The following NELL1 variants were observed in gnomAD, a reference collection of about 807,000 sequenced individuals.
NELL1 encodes the protein neural EGFL like 1, also known as protein kinase C-binding protein NELL1.
Under a neutral mutation model 107.4 loss-of-function variants are expected in NELL1, and 76 were observed. The ratio of observed to expected loss-of-function variants is 0.71; its 90% CI spans 0.59 to 0.86. The LOEUF is 0.86. NELL1 is among the 40% of genes least tolerant of loss of function. The probability of loss-of-function intolerance (pLI) is 0.00; values close to 1 mark genes in which losing one functional copy is unlikely to be tolerated. For synonymous variants in NELL1, 353 were observed against 341.2 expected (o/e 1.03, Z -0.38); for missense variants, 1,024 against 1,005.5 (o/e 1.02, Z -0.25).
chr11:21,289,338 A>C (rs1849198499), intron 14 of NELL1, among the ~76,000 whole-genome samples: 1 of 152,192 alleles, frequency 6.6e-6, no homozygotes, highest in Non-Finnish European at 1.5e-5. Context: ...GACTGATTAG[A>C]CAGTGGGTGC....
At chr11:20,778,498 C>CTTTTTTTTTTT (rs1161737750) in intron 2 of NELL1, among the ~76,000 whole-genome samples, 3 of 73,028 alleles carry the variant, frequency 4.1e-5, no homozygotes, top group Admixed American at 1.5e-4. Flanking sequence ...TCACCCAGCA[C>CTTTTTTTTTTT]TTTTTTTTTT....
chr11:20,704,331 G>C (rs1292776352), intron 2 of NELL1, among the ~76,000 whole-genome samples: 1 of 151,958 alleles, frequency 6.6e-6, no homozygotes, highest in East Asian at 1.9e-4. Context: ...TGCAACCCTT[G>C]CTTTTTTTTG....
chr11:21,247,899 C>T (rs1448696805), intron 14 of NELL1, among the ~76,000 whole-genome samples: 1 of 152,212 alleles, frequency 6.6e-6, no homozygotes, highest in Non-Finnish European at 1.5e-5. Flanking sequence ...TATAATTTTT[C>T]AGCTTCCTTA....
At chr11:21,209,202 G>A (rs1857448608) in intron 13 of NELL1, among the ~76,000 whole-genome samples, 2 of 151,906 alleles carry the variant, frequency 1.3e-5, no homozygotes, top group Admixed American at 6.6e-5. Context: ...TAAATAACAT[G>A]TCTTTCAGCC....
chr11:20,993,387 T>A (rs879547072), intron 12 of NELL1, among the ~76,000 whole-genome samples: 3 of 152,166 alleles, frequency 2.0e-5, no homozygotes, highest in Non-Finnish European at 4.4e-5. Flanking sequence ...AGAAATGGGC[T>A]GTGGTAAATT....
At chr11:21,191,300 A>G (rs1019032081) in intron 13 of NELL1, among the ~76,000 whole-genome samples, 2 of 151,848 alleles carry the variant, frequency 1.3e-5, no homozygotes, top group African/African-American at 4.9e-5. Context: ...CCACGCATAT[A>G]GCAGCATGAG....
chr11:21,376,030 G>A (rs1359035218), intron 15 of NELL1, among the ~76,000 whole-genome samples: 1 of 152,092 alleles, frequency 6.6e-6, no homozygotes, highest in Non-Finnish European at 1.5e-5. Flanking sequence ...TTATTTTGCT[G>A]TGAAGAAGCT....
intron 2 of NELL1, among the ~76,000 whole-genome samples, chr11:20,765,705 G>A (rs1195013870): frequency 1.3e-5 from 2 of 152,072 alleles, no homozygotes; most frequent in African/African-American, 2.4e-5. Flanking sequence ...CAAGAAGGAG[G>A]GAAGAGGTGA....
intron 15 of NELL1, among the ~76,000 whole-genome samples, chr11:21,494,466 T>G (rs1478398624): frequency 6.6e-6 from 1 of 152,008 alleles, no homozygotes; most frequent in Non-Finnish European, 1.5e-5. Flanking sequence ...TATTATTCCT[T>G]CACATTTTAA....
At chr11:20,766,233 G>T (rs1306927419) in intron 2 of NELL1, among the ~76,000 whole-genome samples, 3 of 152,202 alleles carry the variant, frequency 2.0e-5, no homozygotes, top group Non-Finnish European at 4.4e-5. Flanking sequence ...TAATAGTGCA[G>T]CACTTTATAG....
intron 15 of NELL1, among the ~76,000 whole-genome samples, chr11:21,383,108 T>C (rs1435332916): frequency 3.9e-5 from 6 of 151,986 alleles, no homozygotes; most frequent in Non-Finnish European, 7.4e-5. Flanking sequence ...GGAATGTAAC[T>C]CTTATGATTT....
chr11:21,243,807 C>T (rs1172561820), intron 14 of NELL1, among the ~76,000 whole-genome samples: 4 of 151,942 alleles, frequency 2.6e-5, no homozygotes, highest in Non-Finnish European at 4.4e-5. Flanking sequence ...GCTACCATAG[C>T]CATTGTAAAA....
chr11:20,927,696 A>G (rs1030180311), intron 8 of NELL1, among the ~76,000 whole-genome samples: 2 of 152,190 alleles, frequency 1.3e-5, no homozygotes, highest in African/African-American at 2.4e-5. Context: ...CAATGTTTGG[A>G]GTTTGAAGGT....
chr11:20,711,168 T>C (rs1855104547), intron 2 of NELL1, among the ~76,000 whole-genome samples: 1 of 152,178 alleles, frequency 6.6e-6, no homozygotes, highest in Non-Finnish European at 1.5e-5. Flanking sequence ...TTTAATGCTA[T>C]GAACTTTCCT....
rs537898329 is a variant in NELL1 at position 20,868,123 on chromosome 11, G to T, written c.507-17321G>T. Reference sequence around the variant, plus strand: ...TGATGTGAGAGCAGATGTTTTTAAGGCATCTTCATTTCCATTTTGACTTTG... The same window carrying T: ...TGATGTGAGAGCAGATGTTTTTAAGTCATCTTCATTTCCATTTTGACTTTG... On this transcript the variant is annotated intron_variant, in intron 4 of 19. Transcript: ENST00000357134. Among the ~76,000 whole-genome samples the T allele has an allele frequency of 2.6e-5, 4 of 152,180 alleles. No homozygotes were observed. In the South Asian group the frequency reaches 8.3e-4, roughly 32 times the overall value.
At chr11:20,697,394 G>C (rs1368092772) in intron 2 of NELL1, among the ~76,000 whole-genome samples, 4 of 122,738 alleles carry the variant, frequency 3.3e-5, no homozygotes, top group Non-Finnish European at 7.0e-5. Flanking sequence ...TTAATATGTT[G>C]CTTTTTTTTT....
intron 13 of NELL1, among the ~76,000 whole-genome samples, chr11:21,116,977 G>A (rs1855251954): frequency 6.6e-6 from 1 of 151,922 alleles, no homozygotes; most frequent in South Asian, 2.1e-4. Flanking sequence ...ACCCTATATA[G>A]TTTTCCTTCT....
chr11:21,311,613 G>T (rs1322950010), intron 14 of NELL1, among the ~76,000 whole-genome samples: 2 of 152,042 alleles, frequency 1.3e-5, no homozygotes, highest in African/African-American at 4.8e-5. Context: ...CAAGAATTGG[G>T]ACTGTCTCTA....
At position 20,852,996 on chromosome 11, in the gene NELL1, G is replaced by A. The variant is rs574493021; in HGVS notation, c.506+5243G>A. Among the ~76,000 whole-genome samples, 6 of 152,326 alleles carry A rather than the reference G, an allele frequency of 3.9e-5. No homozygotes were observed. The South Asian group carries it at 1.0e-3, about 26-fold the overall frequency. ...ATCACAGTAGGGGAAGCTCCTGGGG[G>A]ACTTGGAGTAACCTCTCAATTTCTT... On this transcript the variant is annotated intron_variant, in intron 4 of 19. Coordinates refer to ENST00000357134, the MANE Select transcript of NELL1 (RefSeq NM_006157.5).
Sources: allele counts gnomAD v4.1 joint callset (sites outside exome capture counted in the v4.1 genomes callset), GRCh38; gene constraint gnomAD v4.1.1; transcripts MANE v1.5; gene names NCBI Gene and HGNC (gene_info 2026-07-23, HGNC 2026-07-21).